CDH12: variants seen among roughly 807,000 people sequenced by gnomAD.
CDH12 encodes cadherin 12, also known as cadherin-12.
CDH12 carries 41 observed loss-of-function variants against 74.1 expected under a neutral mutation model. The observed-to-expected ratio is 0.55, with a 90% CI of 0.43 to 0.72. The LOEUF (loss-of-function observed/expected upper bound fraction) is 0.72. Among genes scored for constraint, CDH12 ranks in the 30% least tolerant of loss-of-function variants. The pLI, the probability that CDH12 is intolerant of heterozygous loss-of-function variation, is 0.00. For missense variants in CDH12, 945 were observed against 977.2 expected (o/e 0.97, Z 0.44); for synonymous variants, 399 against 355.0 (o/e 1.12, Z -1.39).
intron 1 of CDH12, among the ~76,000 whole-genome samples, chr5:22,515,185 T>C (rs1736755327): frequency 6.6e-6 from 1 of 152,214 alleles, no homozygotes; most frequent in Non-Finnish European, 1.5e-5. Context: ...TTGATAACTA[T>C]TAAATAAGAA....
At chr5:22,109,913 A>T (rs191467197) in intron 4 of CDH12, among the ~76,000 whole-genome samples, 7 of 152,250 alleles carry the variant, frequency 4.6e-5, no homozygotes, top group African/African-American at 1.4e-4. Flanking sequence ...GGACAGGAAA[A>T]CCGAAAGAAG....
intron 5 of CDH12, among the ~76,000 whole-genome samples, chr5:22,039,791 C>T (rs528215109): frequency 6.6e-6 from 1 of 152,094 alleles, no homozygotes; most frequent in Admixed American, 6.5e-5. Context: ...CATGCCCTTT[C>T]CAACCAGCAC....
At chr5:22,377,638 A>G (rs753377945) in intron 3 of CDH12, among the ~76,000 whole-genome samples, 2 of 152,198 alleles carry the variant, frequency 1.3e-5, no homozygotes, top group African/African-American at 2.4e-5. Context: ...CTGGATTCCA[A>G]TAGTTTATTC....
intron 1 of CDH12, among the ~76,000 whole-genome samples, chr5:22,602,880 C>CA (rs1199369279): frequency 6.6e-6 from 1 of 152,036 alleles, no homozygotes; most frequent in African/African-American, 2.4e-5. Context: ...ATCTGCCAAT[C>CA]AAAAAGGGAA....
intron 9 of CDH12, among the ~76,000 whole-genome samples, chr5:21,812,876 A>G (rs1241108366): frequency 1.3e-5 from 2 of 152,160 alleles, no homozygotes; most frequent in Non-Finnish European, 2.9e-5. Flanking sequence ...CCTCTAGTGG[A>G]TCCATATTTA....
intron 6 of CDH12, among the ~76,000 whole-genome samples, chr5:21,900,567 T>C (rs1205435962): frequency 6.6e-6 from 1 of 152,186 alleles, no homozygotes; most frequent in African/African-American, 2.4e-5. Context: ...ACCTGGGAGC[T>C]CTGCCACCGT....
At position 21,854,663 on chromosome 5, in the gene CDH12, A is replaced by G; in HGVS notation, c.646+8T>C. On this transcript the variant is annotated splice_region_variant and intron_variant, in intron 7 of 14. Coordinates refer to ENST00000382254, the MANE Select transcript of CDH12 (RefSeq NM_004061.5). The stretch of plus-strand genomic sequence containing the variant: ...TGGTGATAATGTTGCCTCTAATAAA[A>G]AATTTACCTGTCTTGGGATCAATAG... 1 of 1,592,864 alleles carries G rather than the reference A, an allele frequency of 6.3e-7. No homozygotes were observed. The highest frequency in any genetic ancestry group is 8.5e-7 in the Non-Finnish European group (1 of 1,170,496).
intron 4 of CDH12, chr5:22,144,073 G>C (rs1393379015): frequency 1.3e-5 from 2 of 152,044 alleles, no homozygotes; most frequent in South Asian, 2.1e-4. Context: ...ATTTTTACCA[G>C]TATTCTCAGA....
At chr5:21,902,769 A>T (rs1485928482) in intron 6 of CDH12, among the ~76,000 whole-genome samples, 2 of 152,128 alleles carry the variant, frequency 1.3e-5, no homozygotes, top group South Asian at 2.1e-4. Flanking sequence ...TTTAAAATTT[A>T]TTTTTAATTA....
At chr5:22,836,762 T>A (rs1402713579) in intron 1 of CDH12, among the ~76,000 whole-genome samples, 1 of 152,166 alleles carries the variant, frequency 6.6e-6, no homozygotes, top group East Asian at 1.9e-4. Flanking sequence ...TTCTGAAAAC[T>A]AAGGGTAACC....
intron 6 of CDH12, among the ~76,000 whole-genome samples, chr5:21,898,179 C>A (rs1299953078): frequency 6.6e-6 from 1 of 151,914 alleles, no homozygotes; most frequent in Admixed American, 6.6e-5. Flanking sequence ...TATGTAGGGC[C>A]TTTTAGTATA....
chr5:22,135,039 G>C (rs1472938725), intron 4 of CDH12, among the ~76,000 whole-genome samples: 4 of 151,972 alleles, frequency 2.6e-5, no homozygotes, highest in Non-Finnish European at 5.9e-5. Flanking sequence ...ATGGCAAAGA[G>C]AGTGAACCAG....
intron 3 of CDH12, among the ~76,000 whole-genome samples, chr5:22,399,215 T>TATC (rs1356682019): frequency 1.3e-5 from 2 of 151,938 alleles, no homozygotes; most frequent in African/African-American, 4.8e-5. Context: ...TCTATCTATC[T>TATC]ATCTATCTAT....
chr5:22,052,601 A>T (rs1740452592), intron 5 of CDH12, among the ~76,000 whole-genome samples: 1 of 151,776 alleles, frequency 6.6e-6, no homozygotes, highest in African/African-American at 2.4e-5. Flanking sequence ...CATTTTACTC[A>T]TTTTTTTTGA....
intron 8 of CDH12, among the ~76,000 whole-genome samples, chr5:21,823,697 G>A (rs1399457173): frequency 6.6e-6 from 1 of 151,938 alleles, no homozygotes; most frequent in East Asian, 1.9e-4. Context: ...TTAAATATCT[G>A]CTTAAGTACT....
At position 21,783,368 on chromosome 5, in the gene CDH12, C is replaced by T. The variant is rs377629401; in HGVS notation, c.1383G>A (p.Ala461=). 1.1e-5 allele frequency: 18 copies of T among 1,612,546 alleles called. No homozygotes were observed. The highest frequency in any genetic ancestry group is 9.9e-5 in the South Asian group (9 of 90,978). ...CCATGCCATACTTACTAACTTTACT[C>T]GCAATTATGGAGAAATTATACTGCG... The part of the protein sequence containing the change: ...STAQYNFSII[A]SKVSNPLLTS... The change falls in exon 11 of 15, where the codon GCG becomes GCA. Residue 461 remains alanine, a synonymous_variant. Transcript: ENST00000382254.
At chr5:22,176,813 G>A (rs1384705531) in intron 4 of CDH12, among the ~76,000 whole-genome samples, 2 of 151,988 alleles carry the variant, frequency 1.3e-5, no homozygotes, top group African/African-American at 4.8e-5. Flanking sequence ...TAGAGTTGGG[G>A]CACTTTCTAC....
At chr5:22,345,640 T>C (rs1488999043) in intron 3 of CDH12, among the ~76,000 whole-genome samples, 1 of 152,230 alleles carries the variant, frequency 6.6e-6, no homozygotes, top group Non-Finnish European at 1.5e-5. Flanking sequence ...TCTATTTGAG[T>C]GTTCTTGCTC....
chr5:22,106,310 C>G lies in CDH12; in HGVS notation c.-186-27448G>C, dbSNP rs145619985. On this transcript the variant is annotated intron_variant, in intron 4 of 14. Transcript: ENST00000382254. ...AAAACAAGATTTCTCTGTGTTTTGT[C>G]TATTTTCTAATGTTTTTCTCTAGTA... Among the ~76,000 whole-genome samples, 12 of 152,224 alleles carry G rather than the reference C, an allele frequency of 7.9e-5. No homozygotes were observed. The East Asian group carries it at 2.3e-3, about 29-fold the overall frequency.
Sources: gnomAD v4.1 joint callset for allele counts (sites outside exome capture counted in the v4.1 genomes callset) on GRCh38, gnomAD v4.1.1 for gene constraint, MANE v1.5 for transcripts, NCBI Gene and HGNC (gene_info 2026-07-23, HGNC 2026-07-21) for gene names.